The following STAG1 variants were observed in gnomAD, a reference collection of about 807,000 sequenced individuals.
STAG1 encodes cohesin subunit SA-1.
In STAG1, 26 loss-of-function variants were observed where a neutral mutation model predicts 170.9. The observed-to-expected ratio is 0.15, with a 90% CI of 0.11 to 0.21. The LOEUF is 0.21. STAG1 is among the 10% of genes least tolerant of loss of function. The pLI, the probability that STAG1 is intolerant of heterozygous loss-of-function variation, is 1.00. For missense variants in STAG1, 964 were observed against 1,509.5 expected, an observed-to-expected ratio of 0.64 and a Z score of 5.99; for synonymous variants, 514 against 497.7, an observed-to-expected ratio of 1.03 and a Z score of -0.44.
At chr3:136,514,331 T>A (rs1168084210) in intron 7 of STAG1, among the ~76,000 whole-genome samples, 1 of 152,182 alleles carries the variant, frequency 6.6e-6, no homozygotes, top group East Asian at 1.9e-4. Context: ...TCACTGGTCA[T>A]CGGAGAAATG....
At chr3:136,553,844 A>G (rs1936506388) in intron 5 of STAG1, among the ~76,000 whole-genome samples, 1 of 152,238 alleles carries the variant, frequency 6.6e-6, no homozygotes, top group African/African-American at 2.4e-5. Context: ...TAAAGACCAG[A>G]AAGAAGAGAA....
intron 4 of STAG1, among the ~76,000 whole-genome samples, chr3:136,602,670 G>A (rs1938729207): frequency 6.6e-6 from 1 of 151,946 alleles, no homozygotes; most frequent in Non-Finnish European, 1.5e-5. Context: ...GGCCAATATG[G>A]TGAAACTCCA....
chr3:136,377,943 T>C (rs771157464), intron 22 of STAG1, among the ~76,000 whole-genome samples, 191 bp from the exon 23 acceptor site: 1 of 152,238 alleles, frequency 6.6e-6, no homozygotes, highest in Non-Finnish European at 1.5e-5. Flanking sequence ...GTAGTGACAC[T>C]GACACTCTAA....
intron 3 of STAG1, among the ~76,000 whole-genome samples, chr3:136,610,180 G>A (rs981532806): frequency 1.3e-5 from 2 of 151,948 alleles, no homozygotes; most frequent in East Asian, 1.9e-4. Flanking sequence ...GGGACTACAG[G>A]TGCCCGCCAC....
intron 13 of STAG1, among the ~76,000 whole-genome samples, chr3:136,464,121 G>A (rs1440734749): frequency 1.3e-5 from 2 of 151,688 alleles, no homozygotes; most frequent in African/African-American, 4.8e-5. Flanking sequence ...ATGAATTACT[G>A]ATTAAAATAA....
chr3:136,681,864 G>GA (rs1395520960), intron 1 of STAG1, among the ~76,000 whole-genome samples: 3 of 151,924 alleles, frequency 2.0e-5, no homozygotes, highest in African/African-American at 7.3e-5. Flanking sequence ...AGTAATAAAG[G>GA]AAATTTTTTC....
intron 1 of STAG1, among the ~76,000 whole-genome samples, chr3:136,682,341 C>T (rs530614879): frequency 6.6e-6 from 1 of 151,818 alleles, no homozygotes; most frequent in Non-Finnish European, 1.5e-5. Flanking sequence ...AGGAGGTTCA[C>T]TTGAACCCGG....
intron 1 of STAG1, among the ~76,000 whole-genome samples, chr3:136,702,117 G>GAGAC (rs1553768620): frequency 8.4e-5 from 6 of 71,746 alleles, no homozygotes; most frequent in African/African-American, 3.6e-4. Context: ...GAGAGAGAGA[G>GAGAC]AGAGACAGAG....
At position 136,502,800 on chromosome 3, in the gene STAG1, A is replaced by G. The variant is rs570645614; in HGVS notation, c.677-21T>C. 14 of 1,544,232 alleles carry G rather than the reference A, an allele frequency of 9.1e-6. No individual in the cohort carries two copies. In the African/African-American group the frequency reaches 1.9e-4, roughly 21 times the overall value. On this transcript the variant is annotated intron_variant, in intron 7 of 33. Coordinates refer to ENST00000383202, the MANE Select transcript of STAG1 (RefSeq NM_005862.3). ...CATGGCTATGAAATGAAGAAATATT[A>G]TAATACCTATGAATCAAAACTTTAT... is the stretch of plus-strand genomic sequence containing the variant.
At chr3:136,751,258 G>T (rs977762341) in intron 1 of STAG1, among the ~76,000 whole-genome samples, 1 of 150,276 alleles carries the variant, frequency 6.7e-6, no homozygotes. Context: ...CCTGCAATGT[G>T]AAGAGAATCG....
intron 4 of STAG1, among the ~76,000 whole-genome samples, chr3:136,573,757 G>A (rs1937351194): frequency 6.6e-6 from 1 of 152,140 alleles, no homozygotes; most frequent in African/African-American, 2.4e-5. Flanking sequence ...CGGATCACGA[G>A]GTCAGGAGAT....
At chr3:136,499,600 C>G (rs1034719357) in intron 9 of STAG1, among the ~76,000 whole-genome samples, 5 of 152,302 alleles carry the variant, frequency 3.3e-5, no homozygotes, top group African/African-American at 7.2e-5. Context: ...TTCATTCACT[C>G]AATGTAAAAT....
In STAG1 at chr3:136,524,644, T is replaced by C. The variant is rs997601104; in HGVS notation, c.472-3227A>G. Among the ~76,000 whole-genome samples the C allele has an allele frequency of 2.4e-4, 37 of 152,066 alleles. No homozygotes were observed. The East Asian group carries it at 5.0e-3, about 21-fold the overall frequency. ...CTTCCAACACTATGTTGAATAGGAGTGGTGAGAGAGGGCATCCCTGTCTTG... is the reference window on the plus strand; with the variant it reads ...CTTCCAACACTATGTTGAATAGGAGCGGTGAGAGAGGGCATCCCTGTCTTG... On this transcript the variant is annotated intron_variant, in intron 6 of 33. Coordinates refer to ENST00000383202, the MANE Select transcript of STAG1 (RefSeq NM_005862.3).
At chr3:136,376,214 G>A (rs1339676240) in intron 23 of STAG1, among the ~76,000 whole-genome samples, 2 of 145,836 alleles carry the variant, frequency 1.4e-5, no homozygotes, top group East Asian at 2.3e-4. Flanking sequence ...CAAAGGATAA[G>A]TAATACTGTA....
At chr3:136,598,998 CT>C (rs1938557140) in intron 4 of STAG1, among the ~76,000 whole-genome samples, 1 of 152,134 alleles carries the variant, frequency 6.6e-6, no homozygotes, top group Non-Finnish European at 1.5e-5. Context: ...CCAAAATTAT[CT>C]CTTCAAAAAT....
chr3:136,369,211 A>T lies in STAG1; in HGVS notation c.2442T>A (p.Leu814=). ...TATCTGGATTGAACACCAAAGGCTGAAGGCCCTCTCTGCCACCTGTCATTA... is the reference window on the plus strand; with the variant it reads ...TATCTGGATTGAACACCAAAGGCTGTAGGCCCTCTCTGCCACCTGTCATTA... The part of the protein sequence containing the change: ...HQLMTGGREG[L]QPLVFNPDTG... Residue 814 remains leucine (L), a synonymous_variant, in exon 24 of 34, where the codon CTT becomes CTA. Transcript: ENST00000383202. 6.2e-7 allele frequency: 1 copy of T among 1,605,388 alleles called. No homozygotes were observed. Among genetic ancestry groups the T allele is most frequent in the Non-Finnish European group, 8.5e-7 (1 of 1,177,854 alleles).
intron 5 of STAG1, among the ~76,000 whole-genome samples, chr3:136,565,902 G>C (rs1484938350): frequency 6.6e-6 from 1 of 152,134 alleles, no homozygotes; most frequent in Non-Finnish European, 1.5e-5. Context: ...TCAAAAACAT[G>C]GTAAGTGAAA....
chr3:136,583,712 C>T (rs528191682), intron 4 of STAG1, among the ~76,000 whole-genome samples: 1 of 152,192 alleles, frequency 6.6e-6, no homozygotes, highest in Admixed American at 6.5e-5. Context: ...TTGCTTAAAC[C>T]CAGGAGGCAA....
chr3:136,716,191 T>C (rs1943537001), intron 1 of STAG1, among the ~76,000 whole-genome samples: 1 of 151,932 alleles, frequency 6.6e-6, no homozygotes, highest in African/African-American at 2.4e-5. Context: ...GCACAGTGGC[T>C]CACACCTGTA....
Sources: allele counts gnomAD v4.1 joint callset (sites outside exome capture counted in the v4.1 genomes callset), GRCh38; gene constraint gnomAD v4.1.1; transcripts MANE v1.5; gene names NCBI Gene and HGNC (gene_info 2026-07-23, HGNC 2026-07-21).